The following SLCO5A1 variants were observed in gnomAD, a reference collection of about 807,000 sequenced individuals.
SLCO5A1 encodes the protein solute carrier organic anion transporter family member 5A1.
A neutral mutation model predicts 65.1 loss-of-function variants in SLCO5A1; 39 were observed. The observed-to-expected ratio is 0.60, with a 90% CI of 0.46 to 0.78. The LOEUF is 0.78. SLCO5A1 is among the 30% of genes least tolerant of loss of function. SLCO5A1 has a pLI of 0.00. For synonymous variants in SLCO5A1, 438 were observed against 415.7 expected (o/e 1.05, Z -0.65); for missense variants, 1,029 against 1,069.4 (o/e 0.96, Z 0.53).
chr8:69,755,839 T>C (rs552245676), intron 3 of SLCO5A1, among the ~76,000 whole-genome samples, 198 bp from the exon 4 acceptor site: 101 of 152,360 alleles, frequency 6.6e-4, no homozygotes, highest in African/African-American at 2.2e-3. Context: ...ATCTACTCAA[T>C]AATTATACCA....
chr8:69,690,234 C>A (rs370141127), intron 6 of SLCO5A1, among the ~76,000 whole-genome samples: 3,877 of 152,254 alleles, frequency 0.025, 148 homozygotes, highest in African/African-American at 0.086. Flanking sequence ...CATTCATGCG[C>A]GTCACTAATT....
intron 9 of SLCO5A1, among the ~76,000 whole-genome samples, chr8:69,673,914 G>A (rs1214027306): frequency 1.3e-5 from 2 of 152,120 alleles, no homozygotes; most frequent in Admixed American, 6.5e-5. Flanking sequence ...CTTTATTATG[G>A]CATAAATTTC....
At chr8:69,797,984 C>T (rs868379174) in intron 2 of SLCO5A1, among the ~76,000 whole-genome samples, 1 of 152,178 alleles carries the variant, frequency 6.6e-6, no homozygotes, top group Non-Finnish European at 1.5e-5. Context: ...GGTTTTATGG[C>T]TCAGGGGGAA....
intron 2 of SLCO5A1, among the ~76,000 whole-genome samples, chr8:69,784,895 G>GAAGAAAGAAAGAAAGAAAGAAAGAAAGA (rs200219200): frequency 2.4e-5 from 2 of 85,034 alleles, no homozygotes; most frequent in East Asian, 2.9e-4. Context: ...AAGAAGAAAG[G>GAAGAAAGAAAGAAAGAAAGAAAGAAAGA]AAGAAAGAAA....
intron 5 of SLCO5A1, among the ~76,000 whole-genome samples, chr8:69,729,853 G>C (rs1056326412): frequency 3.9e-5 from 6 of 152,120 alleles, no homozygotes; most frequent in Non-Finnish European, 7.4e-5. Flanking sequence ...CATTTTATAT[G>C]ACTGTATTAC....
chr8:69,714,162 T>G (rs1815405793), intron 5 of SLCO5A1, among the ~76,000 whole-genome samples: 1 of 152,224 alleles, frequency 6.6e-6, no homozygotes. Context: ...ATTTCAGCAA[T>G]CCCTTCATAA....
At chr8:69,682,457 C>A in intron 6 of SLCO5A1, 114 bp from the exon 7 acceptor site, 1 of 1,069,970 alleles carries the variant, frequency 9.3e-7, no homozygotes, top group Non-Finnish European at 1.3e-6. Context: ...CCCATTGAAT[C>A]AAAGCCATGA....
chr8:69,765,175 T>C (rs1416570420), intron 2 of SLCO5A1, among the ~76,000 whole-genome samples: 2 of 152,150 alleles, frequency 1.3e-5, no homozygotes, highest in East Asian at 1.9e-4. Context: ...TATGTATATG[T>C]ATGTATATGT....
In SLCO5A1 at chr8:69,667,287, A is replaced by AACACAC. The variant is rs5892215; in HGVS notation, c.*5576_*5581dup. 6.6e-6 allele frequency: 1 copy of AACACAC among 150,460 alleles called. No individual in the cohort carries two copies. Among genetic ancestry groups the AACACAC allele is most frequent in the East Asian group, 2.0e-4 (1 of 5,128 alleles). 9.3% of individuals were successfully genotyped at this position (150,460 alleles called of 1,614,324 possible). A position where few individuals can be genotyped will look rare whatever the true frequency, so the allele number is the denominator to read the frequency against. On this transcript the variant is annotated 3_prime_UTR_variant, in exon 10 of 10. Transcript: ENST00000260126. Reference sequence around the variant, plus strand: ...TCATCACAAACATACCTCTACACAAAACACACACACACACACACAAACACA... The same window carrying AACACAC: ...TCATCACAAACATACCTCTACACAAAACACACACACACACACACACACACAAACACA...
intron 5 of SLCO5A1, among the ~76,000 whole-genome samples, chr8:69,730,753 T>G (rs1055810215): frequency 6.6e-6 from 1 of 152,188 alleles, no homozygotes; most frequent in African/African-American, 2.4e-5. Flanking sequence ...ACTCTGTAAT[T>G]TCTTCCTTCT....
chr8:69,745,027 A>G (rs543469695), intron 4 of SLCO5A1, among the ~76,000 whole-genome samples: 1 of 152,368 alleles, frequency 6.6e-6, no homozygotes, highest in South Asian at 2.1e-4. Context: ...TTTATCCAGC[A>G]TATCTGGGAA....
intron 2 of SLCO5A1, among the ~76,000 whole-genome samples, chr8:69,797,463 C>A (rs891366840): frequency 6.6e-5 from 10 of 152,214 alleles, no homozygotes; most frequent in Non-Finnish European, 1.3e-4. Flanking sequence ...GAGAGATAAC[C>A]TTAAACTCTG....
At chr8:69,708,670 G>A (rs750133687) in intron 5 of SLCO5A1, among the ~76,000 whole-genome samples, 26 of 152,058 alleles carry the variant, frequency 1.7e-4, no homozygotes, top group Non-Finnish European at 3.1e-4. Flanking sequence ...TTGGGAGGCC[G>A]AGGCGGGCAG....
chr8:69,832,891 A>ACAGGGGG lies in SLCO5A1; in HGVS notation c.-225_-219dup. 1 of 603,514 alleles carries ACAGGGGG rather than the reference A, an allele frequency of 1.7e-6. No individual in the cohort carries two copies. The highest frequency in any genetic ancestry group is 2.0e-5 in the South Asian group (1 of 49,628). The allele number at this position is 603,514 out of a possible 1,614,324, so 37.4% of individuals were successfully genotyped here. On this transcript the variant is annotated 5_prime_UTR_variant, in exon 2 of 10. An upstream open reading frame in the 5' UTR gains an earlier in-frame stop. Coordinates refer to ENST00000260126, the MANE Select transcript of SLCO5A1 (RefSeq NM_030958.3). This position sits in a 1 kb window ranked among gnomAD's most constrained non-coding sequence, Gnocchi z 4.5. ...CTTCAAGGCTCCGCAGCCGCGTGCCACAGGGGGCAGGGGTCCGCGCGGTAC... is the reference window on the plus strand; with the variant it reads ...CTTCAAGGCTCCGCAGCCGCGTGCCACAGGGGGCAGGGGGCAGGGGTCCGCGCGGTAC...
rs1814028454 is a variant in SLCO5A1 at position 69,686,973 on chromosome 8, G to A, written c.1623-4630C>T. On this transcript the variant is annotated intron_variant, in intron 6 of 9. Coordinates refer to ENST00000260126, the MANE Select transcript of SLCO5A1 (RefSeq NM_030958.3). ...TGTCAGTATCACACAGTCGTTGTGG[G>A]GGATTAGGCGGGTGAATGTATGGCC... is the stretch of plus-strand genomic sequence containing the variant. Among the ~76,000 whole-genome samples the A allele has an allele frequency of 3.3e-5, 5 of 152,274 alleles. No individual in the cohort carries two copies. In the South Asian group the frequency reaches 8.3e-4, roughly 25 times the overall value.
intron 5 of SLCO5A1, among the ~76,000 whole-genome samples, chr8:69,724,990 A>T (rs768159333): frequency 7.2e-5 from 11 of 152,098 alleles, no homozygotes; most frequent in Non-Finnish European, 1.5e-4. Context: ...TATATGGAGG[A>T]TGGTCTATTT....
At chr8:69,715,256 A>C (rs1052802033) in intron 5 of SLCO5A1, among the ~76,000 whole-genome samples, 1 of 152,224 alleles carries the variant, frequency 6.6e-6, no homozygotes, top group Non-Finnish European at 1.5e-5. Context: ...GAGCCTTTGC[A>C]GAGGAAATTT....
At chr8:69,715,467 T>A (rs1815472380) in intron 5 of SLCO5A1, among the ~76,000 whole-genome samples, 2 of 152,202 alleles carry the variant, frequency 1.3e-5, no homozygotes, top group South Asian at 4.1e-4. Flanking sequence ...TTCTCCTCTG[T>A]CCATTGTTGT....
chr8:69,678,840 C>G (rs913808732), intron 8 of SLCO5A1, among the ~76,000 whole-genome samples: 4 of 151,088 alleles, frequency 2.6e-5, no homozygotes, highest in African/African-American at 4.9e-5. Flanking sequence ...CCCAATATGC[C>G]CTTTTCTTGA....
Sources: allele counts gnomAD v4.1 joint callset (sites outside exome capture counted in the v4.1 genomes callset), GRCh38; gene constraint gnomAD v4.1.1; non-coding constraint Gnocchi (gnomAD v3.1); transcripts MANE v1.5; gene names NCBI Gene and HGNC (gene_info 2026-07-23, HGNC 2026-07-21).